Variants in CCPG1 observed in about 807,000 individuals in gnomAD.
The protein encoded by CCPG1 is cell cycle progression protein 1.
Under a neutral mutation model 81.3 loss-of-function variants are expected in CCPG1, and 46 were observed. The observed-to-expected ratio is 0.57, with a 90% CI of 0.45 to 0.72. The LOEUF is 0.72. Among genes scored for constraint, CCPG1 ranks in the 30% least tolerant of loss-of-function variants. CCPG1 has a pLI of 0.00. For missense variants in CCPG1, 902 were observed against 937.6 expected, an observed-to-expected ratio of 0.96 and a Z score of 0.50; for synonymous variants, 330 against 305.2, an observed-to-expected ratio of 1.08 and a Z score of -0.85.
intron 1 of CCPG1, among the ~76,000 whole-genome samples, chr15:55,401,061 T>C (rs914055860): frequency 6.6e-6 from 1 of 152,236 alleles, no homozygotes; most frequent in Non-Finnish European, 1.5e-5. Flanking sequence ...ATTATTCTCC[T>C]GTATTTTCTA....
chr15:55,395,301 A>C (rs1228806171), intron 1 of CCPG1, among the ~76,000 whole-genome samples: 1 of 152,160 alleles, frequency 6.6e-6, no homozygotes, highest in Non-Finnish European at 1.5e-5. Flanking sequence ...AAAGGAAAAA[A>C]AAAAAAGTAA....
At chr15:55,391,895 G>GC (rs373234354) in intron 1 of CCPG1, among the ~76,000 whole-genome samples, 29,357 of 121,230 alleles carry the variant, frequency 0.24, 6,747 homozygotes, top group Non-Finnish European at 0.36. Flanking sequence ...AAAGGGGGGG[G>GC]GGGGCTAGGT....
chr15:55,358,313 C>T (rs1031964089), intron 8 of CCPG1: 1 of 924,270 alleles, frequency 1.1e-6, no homozygotes, highest in Non-Finnish European at 1.3e-6. Flanking sequence ...CCCTGGTTTC[C>T]AGCATCCACT....
chr15:55,376,051 T>C (rs1227583654), intron 5 of CCPG1, among the ~76,000 whole-genome samples: 2 of 152,224 alleles, frequency 1.3e-5, no homozygotes, highest in African/African-American at 2.4e-5. Context: ...TATTGTCTGA[T>C]TCTGGTTGGC....
intron 1 of CCPG1, among the ~76,000 whole-genome samples, chr15:55,400,443 GGTT>G (rs2057107538): frequency 6.6e-6 from 1 of 151,540 alleles, no homozygotes; most frequent in African/African-American, 2.4e-5. Flanking sequence ...AGGAGGTGGG[GGTT>G]GCAGTGAGCC....
chr15:55,360,054 C>T lies in CCPG1; in HGVS notation c.1719G>A (p.Gln573=), dbSNP rs746037942. Residue 573 remains glutamine (Q), a synonymous_variant, in exon 8 of 9, where the codon CAG becomes CAA. Coordinates refer to ENST00000442196, the MANE Select transcript of CCPG1 (RefSeq NM_001204450.2). ...RTVFSDYLHP[Q]YKAPTENHHN... The stretch of plus-strand genomic sequence containing the variant: ...GATGGTTTTCTGTAGGTGCCTTATA[C>T]TGTGGATGTAAATAGTCACTAAAAA... 1.9e-6 allele frequency: 3 copies of T among 1,613,774 alleles called. No homozygotes were observed. Among genetic ancestry groups the T allele is most frequent in the Non-Finnish European group, 2.5e-6 (3 of 1,179,996 alleles).
intron 1 of CCPG1, among the ~76,000 whole-genome samples, chr15:55,402,632 A>G (rs11071185): frequency 0.32 from 48,767 of 152,130 alleles, 9,018 homozygotes; most frequent in Non-Finnish European, 0.43. Context: ...ATAGCCAGAG[A>G]TAACTTCCCC....
intron 2 of CCPG1, among the ~76,000 whole-genome samples, chr15:55,387,578 C>A (rs2056825287): frequency 6.6e-6 from 1 of 151,378 alleles, no homozygotes; most frequent in African/African-American, 2.4e-5. Context: ...CAGTTTCACT[C>A]TTGTTGCCCA....
intron 5 of CCPG1, among the ~76,000 whole-genome samples, chr15:55,374,653 C>T (rs978852084): frequency 6.6e-6 from 1 of 152,084 alleles, no homozygotes; most frequent in Non-Finnish European, 1.5e-5. Flanking sequence ...TTTTTTGAGA[C>T]GGGGTCTCCC....
At position 55,380,454 on chromosome 15, in the gene CCPG1, C is replaced by A. The variant is rs530598725; in HGVS notation, c.176-2078G>T. Among the ~76,000 whole-genome samples, 8 of 151,608 alleles carry A rather than the reference C, an allele frequency of 5.3e-5. No homozygotes were observed. In the East Asian group the frequency reaches 1.6e-3, roughly 31 times the overall value. On this transcript the variant is annotated intron_variant, in intron 3 of 8. Coordinates refer to ENST00000442196, the MANE Select transcript of CCPG1 (RefSeq NM_001204450.2). ...GGGACTACAGGCGCCCACCACCACG[C>A]CCGGCTAATTTTTTGTATTTTTAGT...
chr15:55,371,663 C>T (rs747303875), intron 6 of CCPG1, 130 bp downstream of exon 6: 6 of 891,988 alleles, frequency 6.7e-6, no homozygotes, highest in African/African-American at 3.4e-5. Context: ...AACTGAGGCT[C>T]AAACAGGCTT....
chr15:55,395,092 G>T (rs780360521), intron 1 of CCPG1, among the ~76,000 whole-genome samples: 52 of 152,080 alleles, frequency 3.4e-4, no homozygotes, highest in Non-Finnish European at 6.0e-4. Context: ...CCGTCTCTGT[G>T]ATTGGCTTTC....
intron 1 of CCPG1, 191 bp downstream of exon 1, chr15:55,408,030 T>A (rs2057271809): frequency 6.6e-6 from 1 of 152,282 alleles, no homozygotes. Flanking sequence ...TCCGGAGCTG[T>A]GCACTCGCGC....
At chr15:55,365,432 G>GTT (rs372770816) in intron 6 of CCPG1, 123 bp from the exon 7 acceptor site, 40 of 314,656 alleles carry the variant, frequency 1.3e-4, no homozygotes, top group Admixed American at 3.2e-4. Context: ...TTTTTTTTTT[G>GTT]TTTTTTTTTT....
intron 1 of CCPG1, among the ~76,000 whole-genome samples, chr15:55,401,677 A>C (rs1049612812): frequency 3.9e-5 from 6 of 152,076 alleles, no homozygotes; most frequent in Admixed American, 3.3e-4. Context: ...AAAAAAAAAA[A>C]AAACCACTAC....
intron 1 of CCPG1, chr15:55,398,211 G>T (rs934825071): frequency 6.6e-6 from 1 of 152,116 alleles, no homozygotes; most frequent in Admixed American, 6.5e-5. Flanking sequence ...TAACTGGAAT[G>T]AATATTACCT....
At chr15:55,374,787 C>T (rs1406942835) in intron 5 of CCPG1, among the ~76,000 whole-genome samples, 1 of 152,146 alleles carries the variant, frequency 6.6e-6, no homozygotes, top group East Asian at 1.9e-4. Flanking sequence ...TGCGCTACCA[C>T]AGGCAGCTAA....
chr15:55,369,858 A>G (rs1452806225), intron 6 of CCPG1, among the ~76,000 whole-genome samples: 1 of 152,214 alleles, frequency 6.6e-6, no homozygotes, highest in Non-Finnish European at 1.5e-5. Context: ...ATTTGGATTA[A>G]CACTTTAAAT....
At chr15:55,395,840 T>C (rs1347374573) in intron 1 of CCPG1, among the ~76,000 whole-genome samples, 1 of 152,140 alleles carries the variant, frequency 6.6e-6, no homozygotes, top group Non-Finnish European at 1.5e-5. Flanking sequence ...TGGGTGATAG[T>C]GCAGTTAATT....
Sources: allele counts gnomAD v4.1 joint callset (sites outside exome capture counted in the v4.1 genomes callset), GRCh38; gene constraint gnomAD v4.1.1; transcripts MANE v1.5; gene names NCBI Gene and HGNC (gene_info 2026-07-23, HGNC 2026-07-21).